Variants in TFEC observed in about 807,000 individuals in gnomAD.
The protein encoded by TFEC is transcription factor EC, also known as class E basic helix-loop-helix protein 34.
Under a neutral mutation model 41.6 loss-of-function variants are expected in TFEC, and 31 were observed. The observed-to-expected ratio is 0.74, with a 90% CI of 0.56 to 1.01. The LOEUF (loss-of-function observed/expected upper bound fraction) is 1.01, where lower values mean the gene tolerates loss of function less well. Ranked by LOEUF, TFEC falls within the 50% of genes least tolerant of loss-of-function variation. TFEC has a pLI of 0.00. For missense variants in TFEC, 402 were observed against 404.1 expected, an observed-to-expected ratio of 0.99 and a Z score of 0.04; for synonymous variants, 143 against 140.6, an observed-to-expected ratio of 1.02 and a Z score of -0.12.
intron 3 of TFEC, among the ~76,000 whole-genome samples, chr7:115,971,333 G>C (rs911131379): frequency 6.6e-6 from 1 of 150,830 alleles, no homozygotes; most frequent in Non-Finnish European, 1.5e-5. Flanking sequence ...TTGTTTTTGA[G>C]AATCAGAAAA....
chr7:115,976,132 T>C (rs1793367676), intron 2 of TFEC, among the ~76,000 whole-genome samples: 1 of 152,116 alleles, frequency 6.6e-6, no homozygotes, highest in Admixed American at 6.6e-5. Context: ...TTTTAAATGT[T>C]ACTGAATTTG....
intron 3 of TFEC, among the ~76,000 whole-genome samples, chr7:115,958,875 G>A (rs993160692): frequency 6.6e-6 from 1 of 151,734 alleles, no homozygotes; most frequent in African/African-American, 2.4e-5. Flanking sequence ...ATTGAGTTCA[G>A]TTTCAAAGTG....
chr7:115,968,289 C>T, intron 3 of TFEC: 1 of 1,520,190 alleles, frequency 6.6e-7, no homozygotes, highest in East Asian at 2.5e-5. Context: ...ACCAAGAGAA[C>T]TGTGTGGAAA....
chr7:116,001,952 G>A (rs78784819), intron 1 of TFEC, among the ~76,000 whole-genome samples: 19,225 of 152,134 alleles, frequency 0.13, 1,307 homozygotes, highest in Middle Eastern at 0.18. Context: ...TCAGAGAAAT[G>A]CAAATCCAAA....
chr7:115,940,053 T>C lies in TFEC; in HGVS notation c.*498A>G, dbSNP rs888857363. ...TAATCTATTATACATTTATTTATCC[T>C]ATAAAGTTTGAACTTTAGACATGTC... On this transcript the variant is annotated 3_prime_UTR_variant, in exon 8 of 8. Transcript: ENST00000265440. 2.0e-5 allele frequency: 3 copies of C among 152,232 alleles called. No homozygotes were observed. Among genetic ancestry groups the C allele is most frequent in the African/African-American group, 7.2e-5 (3 of 41,426 alleles). The allele number at this position is 152,232 out of a possible 1,614,324, so 9.4% of individuals were successfully genotyped here.
At chr7:116,069,032 A>C (rs1796762011) in intron 3 of TFEC, among the ~76,000 whole-genome samples, 1 of 151,240 alleles carries the variant, frequency 6.6e-6, no homozygotes, top group Admixed American at 6.6e-5. Flanking sequence ...TAGGGTTTAT[A>C]AACTCTACAT....
intron 5 of TFEC, among the ~76,000 whole-genome samples, chr7:115,952,240 A>T (rs1400671538): frequency 6.6e-6 from 1 of 151,946 alleles, no homozygotes; most frequent in South Asian, 2.1e-4. Context: ...CTCTTCACCA[A>T]TCCTATTTCC....
intron 1 of TFEC, among the ~76,000 whole-genome samples, chr7:116,003,664 T>A (rs902614090): frequency 3.3e-5 from 5 of 152,216 alleles, no homozygotes; most frequent in African/African-American, 1.2e-4. Flanking sequence ...ATAGACTATT[T>A]ACCACCACCA....
In TFEC at chr7:115,940,755, T is replaced by G. The variant is rs772907166; in HGVS notation, c.840A>C (p.Ile280=). The G allele has an allele frequency of 1.2e-6, 2 of 1,613,486 alleles. No individual in the cohort carries two copies. The highest frequency in any genetic ancestry group is 1.1e-5 in the South Asian group (1 of 91,068). The change falls in exon 8 of 8, where the codon ATA becomes ATC. Residue 280 remains isoleucine (I), a synonymous_variant. Transcript: ENST00000265440. ...GPSPELCDQA[I]AFSDPLSYFT... is the part of the protein sequence containing the mutation. Reference sequence around the variant, plus strand: ...AGTATGACAAAGGATCAGAAAAGGCTATAGCTTGATCACAGAGCTCAGGGC... The same window carrying G: ...AGTATGACAAAGGATCAGAAAAGGCGATAGCTTGATCACAGAGCTCAGGGC...
intron 2 of TFEC, chr7:116,110,931 T>C: frequency 6.8e-7 from 1 of 1,474,336 alleles, no homozygotes; most frequent in Non-Finnish European, 9.0e-7. Flanking sequence ...TTCTCACTAT[T>C]AGTGGATTTG....
intron 3 of TFEC, among the ~76,000 whole-genome samples, chr7:116,063,456 A>C (rs1796618087): frequency 6.6e-6 from 1 of 151,940 alleles, no homozygotes; most frequent in Non-Finnish European, 1.5e-5. Context: ...CCTCTCCACT[A>C]AAAAATACAA....
intron 1 of TFEC, among the ~76,000 whole-genome samples, chr7:115,985,507 C>A (rs1314715236): frequency 6.6e-6 from 1 of 152,042 alleles, no homozygotes; most frequent in Admixed American, 6.6e-5. Context: ...CTGTACAGTG[C>A]TTATTTTTCC....
chr7:116,075,721 A>G (rs968518041), intron 3 of TFEC, among the ~76,000 whole-genome samples: 1 of 152,054 alleles, frequency 6.6e-6, no homozygotes, highest in Non-Finnish European at 1.5e-5. Context: ...CACAGCAGCA[A>G]GCCCCAACCA....
chr7:115,955,572 T>TA (rs1792178564), intron 4 of TFEC, among the ~76,000 whole-genome samples: 1 of 152,086 alleles, frequency 6.6e-6, no homozygotes, highest in East Asian at 1.9e-4. Context: ...ACATCTTGAC[T>TA]ACAGCCTCAT....
At chr7:115,951,013 A>G in intron 5 of TFEC, 64 bp from the exon 6 acceptor site, 1 of 976,532 alleles carries the variant, frequency 1.0e-6, no homozygotes, top group Non-Finnish European at 1.5e-6. Context: ...GGTCAGCTGT[A>G]AACATTTTTA....
chr7:116,122,925 A>G (rs1253704090), intron 1 of TFEC, among the ~76,000 whole-genome samples: 5 of 152,100 alleles, frequency 3.3e-5, no homozygotes, highest in Non-Finnish European at 7.4e-5. Flanking sequence ...TCTCCCTTAG[A>G]GCAGTGCCCA....
intron 3 of TFEC, among the ~76,000 whole-genome samples, chr7:115,972,719 T>C (rs1267165253): frequency 6.6e-6 from 1 of 152,118 alleles, no homozygotes; most frequent in Non-Finnish European, 1.5e-5. Context: ...TATCCATCTA[T>C]GTAAAAGTAC....
At chr7:116,010,651 G>C (rs1794966100) in intron 1 of TFEC, among the ~76,000 whole-genome samples, 1 of 152,108 alleles carries the variant, frequency 6.6e-6, no homozygotes, top group African/African-American at 2.4e-5. Flanking sequence ...GGACATTGAA[G>C]GAAGAACCTA....
chr7:116,095,748 TA>T (rs1797437936), intron 3 of TFEC, among the ~76,000 whole-genome samples: 1 of 152,182 alleles, frequency 6.6e-6, no homozygotes, highest in South Asian at 2.1e-4. Flanking sequence ...CGTTTCCTTT[TA>T]TTTTTTTTTC....
Sources: allele counts gnomAD v4.1 joint callset (sites outside exome capture counted in the v4.1 genomes callset), GRCh38; gene constraint gnomAD v4.1.1; transcripts MANE v1.5; gene names NCBI Gene and HGNC (gene_info 2026-07-23, HGNC 2026-07-21).